Variants in AGAP1 observed in about 807,000 individuals in gnomAD.
AGAP1 encodes ArfGAP with GTPase domain, ankyrin repeat and PH domain 1.
A neutral mutation model predicts 105.3 loss-of-function variants in AGAP1; 29 were observed. That is an observed-to-expected ratio of 0.28 (90% CI 0.21 to 0.38). The LOEUF (loss-of-function observed/expected upper bound fraction) is 0.38, where lower values mean the gene tolerates loss of function less well. AGAP1 is among the 10% of genes least tolerant of loss of function. The pLI, the probability that AGAP1 is intolerant of heterozygous loss-of-function variation, is 1.00. For missense variants in AGAP1, 998 were observed against 1,165.1 expected, an observed-to-expected ratio of 0.86 and a Z score of 2.09; for synonymous variants, 509 against 485.9, an observed-to-expected ratio of 1.05 and a Z score of -0.63.
chr2:235,838,469 T>C (rs1960428238), intron 9 of AGAP1, among the ~76,000 whole-genome samples: 1 of 152,232 alleles, frequency 6.6e-6, no homozygotes, highest in Non-Finnish European at 1.5e-5. Context: ...CAGGGGTAAG[T>C]GTTCAGAAAA....
Position 235,874,667 on chromosome 2 carries a change from C to T in AGAP1, c.1051-8678C>T, listed in dbSNP as rs562059543. Among the ~76,000 whole-genome samples the T allele has an allele frequency of 4.6e-5, 7 of 152,150 alleles. No individual in the cohort carries two copies. Among genetic ancestry groups the T allele is most frequent in the Middle Eastern group, 3.2e-3 (1 of 316 alleles). The stretch of plus-strand genomic sequence containing the variant: ...GTCCTTAGGGGTCAGGACAGGACTT[C>T]GTCATGTTTCTGGCTTTGCCTTCAT... On this transcript the variant is annotated intron_variant, in intron 9 of 17. Coordinates refer to ENST00000304032, the MANE Select transcript of AGAP1 (RefSeq NM_001037131.3). This position sits in a 1 kb window ranked among gnomAD's most constrained non-coding sequence, Gnocchi z 4.5.
chr2:236,116,827 C>T (rs1390621090), intron 16 of AGAP1, among the ~76,000 whole-genome samples: 1 of 151,918 alleles, frequency 6.6e-6, no homozygotes, highest in Admixed American at 6.6e-5. Context: ...TTAGCTCCCA[C>T]GTATCAGTGA....
intron 16 of AGAP1, among the ~76,000 whole-genome samples, chr2:236,065,573 G>A (rs1460864257): frequency 6.6e-6 from 1 of 152,194 alleles, no homozygotes; most frequent in Non-Finnish European, 1.5e-5. Context: ...TTATCGAAAG[G>A]GAGGCCCACA....
intron 9 of AGAP1, among the ~76,000 whole-genome samples, chr2:235,812,221 C>G (rs981481423): frequency 6.6e-6 from 1 of 152,140 alleles, no homozygotes; most frequent in Admixed American, 6.5e-5. Context: ...ATGGCCACCT[C>G]CAGGGAGTCA....
rs976276619 is a variant in AGAP1, at chr2:236,035,892, T to C, written c.1646-669T>C. On this transcript the variant is annotated intron_variant, in intron 13 of 17. Coordinates refer to ENST00000304032, the MANE Select transcript of AGAP1 (RefSeq NM_001037131.3). This position sits in a 1 kb window ranked among gnomAD's most constrained non-coding sequence, Gnocchi z 4.2. ...ATGAACCTCAGGGGAGTCCAGGAAC[T>C]TGCCCAAAGACTTAGATGTGGCAGG... 4.6e-5 allele frequency among the ~76,000 whole-genome samples: 7 copies of C among 152,218 alleles called. No individual in the cohort carries two copies. The highest frequency in any genetic ancestry group is 1.0e-4 in the Non-Finnish European group (7 of 68,006).
In AGAP1 at chr2:235,887,747, C is replaced by T. The variant is rs979025086; in HGVS notation, c.1155+4298C>T. Among the ~76,000 whole-genome samples, 1 of 152,202 alleles carries T rather than the reference C, an allele frequency of 6.6e-6. No individual in the cohort carries two copies. Among genetic ancestry groups the T allele is most frequent in the Non-Finnish European group, 1.5e-5 (1 of 68,038 alleles). On this transcript the variant is annotated intron_variant, in intron 10 of 17. Coordinates refer to ENST00000304032, the MANE Select transcript of AGAP1 (RefSeq NM_001037131.3). This position sits in a 1 kb window ranked among gnomAD's most constrained non-coding sequence, Gnocchi z 4.1. ...ACGGGTATCAATAGTGAGGTTGCTG[C>T]ACCGATTCCTGGTGTATACCACTAA...
At chr2:235,679,852 A>G (rs199776758) in intron 1 of AGAP1, among the ~76,000 whole-genome samples, 2 of 152,236 alleles carry the variant, frequency 1.3e-5, no homozygotes, top group East Asian at 3.8e-4. Flanking sequence ...CTGACACAGT[A>G]TATTGATCAG....
intron 1 of AGAP1, among the ~76,000 whole-genome samples, chr2:235,581,322 A>G (rs1944925279): frequency 6.6e-6 from 1 of 151,020 alleles, no homozygotes; most frequent in Non-Finnish European, 1.5e-5. Context: ...AAAAAAAAAG[A>G]TGGAGGGTGA....
chr2:235,656,237 T>C (rs1322142736), intron 1 of AGAP1, among the ~76,000 whole-genome samples: 2 of 152,184 alleles, frequency 1.3e-5, no homozygotes, highest in East Asian at 3.8e-4. Context: ...AAGACAACTT[T>C]TTTTGCAGGG....
rs1336476383 is a variant in AGAP1, at chr2:235,752,826, A to G, written c.673+2338A>G. On this transcript the variant is annotated intron_variant, in intron 6 of 17. Coordinates refer to ENST00000304032, the MANE Select transcript of AGAP1 (RefSeq NM_001037131.3). The surrounding 1 kb of genome is among the most constrained non-coding windows in gnomAD (Gnocchi z 4.3). Reference sequence around the variant, plus strand: ...GGATGATGCTGCCTTCCTGCCAAACAGCCTTTGTACGTTCTGGCTGCTCTA... The same window carrying G: ...GGATGATGCTGCCTTCCTGCCAAACGGCCTTTGTACGTTCTGGCTGCTCTA... Among the ~76,000 whole-genome samples, 3 of 152,248 alleles carry G rather than the reference A, an allele frequency of 2.0e-5. No homozygotes were observed. Among genetic ancestry groups the G allele is most frequent in the Non-Finnish European group, 2.9e-5 (2 of 68,044 alleles).
rs1946554035 is a variant in AGAP1, at chr2:235,623,644, G to A, written c.164-85535G>A. 6.6e-6 allele frequency among the ~76,000 whole-genome samples: 1 copy of A among 152,082 alleles called. No homozygotes were observed. Among genetic ancestry groups the A allele is most frequent in the African/African-American group, 2.4e-5 (1 of 41,428 alleles). The stretch of plus-strand genomic sequence containing the variant: ...GGTAGGTTAGGGTGCTGTGTTGCAG[G>A]TCTGTGATGCAGTTGCCATATATTT... On this transcript the variant is annotated intron_variant, in intron 1 of 17. Transcript: ENST00000304032. This position sits in a 1 kb window ranked among gnomAD's most constrained non-coding sequence, Gnocchi z 4.5.
chr2:235,799,393 C>T lies in AGAP1; in HGVS notation c.828C>T (p.Ser276=), dbSNP rs997106060. 1.2e-6 allele frequency: 2 copies of T among 1,613,884 alleles called. No individual in the cohort carries two copies. The highest frequency in any genetic ancestry group is 1.1e-5 in the South Asian group (1 of 91,066). ...SQTSNGGGSL[S]DYSSSVPSTP... is the part of the protein sequence containing the mutation. ...CAAGTAATGGAGGTGGGAGTTTAAG[C>T]GACTATTCCTCCTCCGTTCCATCGA... Residue 276 remains serine (S), a synonymous_variant, in exon 8 of 18, where the codon AGC becomes AGT. Transcript: ENST00000304032. The surrounding 1 kb of genome is among the most constrained non-coding windows in gnomAD (Gnocchi z 5.0).
intron 9 of AGAP1, among the ~76,000 whole-genome samples, chr2:235,831,158 G>A (rs1037486984): frequency 1.5e-4 from 22 of 150,422 alleles, no homozygotes; most frequent in African/African-American, 5.2e-4. Context: ...AACTAGATTG[G>A]TCCAGAGTGC....
Position 235,867,536 on chromosome 2 carries a change from A to AGTGTGTGTGTGTGTGTGTGTGTGTGT in AGAP1, c.1051-15795_1051-15770dup, listed in dbSNP as rs61257818. Among the ~76,000 whole-genome samples, 50 of 123,324 alleles carry AGTGTGTGTGTGTGTGTGTGTGTGTGT rather than the reference A, an allele frequency of 4.1e-4. No homozygotes were observed. The highest frequency in any genetic ancestry group is 1.3e-3 in the African/African-American group (47 of 35,112). The allele number at this position is 123,324 out of a possible 152,430, so 80.9% of individuals were successfully genotyped here. A position where few individuals can be genotyped will look rare whatever the true frequency, so the allele number is the denominator to read the frequency against. On this transcript the variant is annotated intron_variant, in intron 9 of 17. Coordinates refer to ENST00000304032, the MANE Select transcript of AGAP1 (RefSeq NM_001037131.3). The surrounding 1 kb of genome is among the most constrained non-coding windows in gnomAD (Gnocchi z 5.4). ...ATCATACACCTTATGCTGGTGCTGC[A>AGTGTGTGTGTGTGTGTGTGTGTGTGT]GTGTGTGTGTGTGTGTGTGTGTGTG...
intron 1 of AGAP1, among the ~76,000 whole-genome samples, chr2:235,580,548 C>G (rs1030747830): frequency 6.6e-6 from 1 of 152,086 alleles, no homozygotes; most frequent in Admixed American, 6.6e-5. Context: ...GAGTGCTTCT[C>G]TCTTAGAATA....
chr2:235,763,622 G>A (rs1954650758), intron 6 of AGAP1, among the ~76,000 whole-genome samples: 1 of 152,220 alleles, frequency 6.6e-6, no homozygotes, highest in Non-Finnish European at 1.5e-5. Context: ...AATCCTTGGT[G>A]TTGACTGGCC....
In AGAP1 at chr2:235,614,890, C is replaced by G. The variant is rs1240574149; in HGVS notation, c.164-94289C>G. ...CTGAGATGTTTTCTCTACTCAGGGC[C>G]CAATGCCGTATGTGATATTTTACAA... On this transcript the variant is annotated intron_variant, in intron 1 of 17. Transcript: ENST00000304032. This position sits in a 1 kb window ranked among gnomAD's most constrained non-coding sequence, Gnocchi z 4.7. Among the ~76,000 whole-genome samples, 1 of 152,084 alleles carries G rather than the reference C, an allele frequency of 6.6e-6. No homozygotes were observed. Among genetic ancestry groups the G allele is most frequent in the Non-Finnish European group, 1.5e-5 (1 of 68,022 alleles).
rs535724887 is a variant in AGAP1, at chr2:236,040,017, A to G, written c.1801-734A>G. On this transcript the variant is annotated intron_variant, in intron 14 of 17. Transcript: ENST00000304032. The surrounding 1 kb of genome is among the most constrained non-coding windows in gnomAD (Gnocchi z 5.6). ...TCTCAACACTATAGGAGGCTAAGGC[A>G]GGAGGATCACTTGAGCCCACGAGTT... 6.6e-6 allele frequency among the ~76,000 whole-genome samples: 1 copy of G among 152,030 alleles called. No individual in the cohort carries two copies. Among genetic ancestry groups the G allele is most frequent in the Non-Finnish European group, 1.5e-5 (1 of 67,990 alleles).
chr2:235,785,132 A>G (rs1956543604), intron 6 of AGAP1, among the ~76,000 whole-genome samples: 1 of 152,234 alleles, frequency 6.6e-6, no homozygotes, highest in African/African-American at 2.4e-5. Flanking sequence ...CCCCACTTTA[A>G]GAAGAAAATG....
Sources: gnomAD v4.1 joint callset for allele counts (sites outside exome capture counted in the v4.1 genomes callset) on GRCh38, gnomAD v4.1.1 for gene constraint, Gnocchi (gnomAD v3.1) non-coding constraint, MANE v1.5 for transcripts, NCBI Gene and HGNC (gene_info 2026-07-23, HGNC 2026-07-21) for gene names.